Variants in SLC9B1 observed in about 807,000 individuals in gnomAD.
The protein encoded by SLC9B1 is sodium/hydrogen exchanger 9B1.
SLC9B1 carries 32 observed loss-of-function variants against 51.7 expected under a neutral mutation model. The observed-to-expected ratio is 0.62, with a 90% confidence interval of 0.47 to 0.83. The LOEUF is 0.83. SLC9B1 is among the 40% of genes least tolerant of loss of function. SLC9B1 has a pLI of 0.00. For synonymous variants in SLC9B1, 145 were observed against 212.7 expected, an observed-to-expected ratio of 0.68 and a Z score of 2.77; for missense variants, 406 against 613.2, an observed-to-expected ratio of 0.66 and a Z score of 3.57.
At position 102,949,454 on chromosome 4, in the gene SLC9B1, T is replaced by C. The variant is rs1737434806; in HGVS notation, c.212-27A>G. On this transcript the variant is annotated intron_variant, in intron 3 of 11. Transcript: ENST00000296422. ...TGAAATACAAAAAAGTGTACAGCTA[T>C]ATATCTACATACACATAGATGTATA... is the stretch of plus-strand genomic sequence containing the variant. The C allele has an allele frequency of 2.0e-6, 3 of 1,526,458 alleles. No homozygotes were observed. In the East Asian group the frequency reaches 6.9e-5, roughly 35 times the overall value. The allele number at this position is 1,526,458 out of a possible 1,614,324, so 94.6% of individuals were successfully genotyped here.
chr4:102,992,707 T>C (rs539635784), intron 1 of SLC9B1, among the ~76,000 whole-genome samples: 1 of 152,312 alleles, frequency 6.6e-6, no homozygotes, highest in Non-Finnish European at 1.5e-5. Context: ...TAAAGTGTAG[T>C]TCCATTTTGA....
At chr4:102,985,198 C>T (rs1025748614) in intron 3 of SLC9B1, among the ~76,000 whole-genome samples, 2 of 152,136 alleles carry the variant, frequency 1.3e-5, no homozygotes, top group African/African-American at 2.4e-5. Flanking sequence ...TTTCCTTAAT[C>T]AATATGTATC....
At chr4:102,992,395 C>A (rs1560523662) in intron 1 of SLC9B1, among the ~76,000 whole-genome samples, 1 of 151,974 alleles carries the variant, frequency 6.6e-6, no homozygotes, top group Non-Finnish European at 1.5e-5. Flanking sequence ...TTGTTAAGAA[C>A]AAAACTAAAG....
intron 6 of SLC9B1, among the ~76,000 whole-genome samples, chr4:102,944,946 T>TG (rs1387676021): frequency 2.0e-5 from 3 of 151,500 alleles, no homozygotes; most frequent in Non-Finnish European, 4.4e-5. Context: ...ATAATACAGA[T>TG]GAAAAGGAAT....
At chr4:102,924,328 T>C (rs1275629420) in intron 7 of SLC9B1, among the ~76,000 whole-genome samples, 2 of 152,322 alleles carry the variant, frequency 1.3e-5, no homozygotes, top group South Asian at 2.1e-4. Flanking sequence ...ATTTAATAAA[T>C]GGTGCTGGGA....
chr4:102,885,272 C>T, exon 12 of SLC9B1: 1 of 1,614,120 alleles, frequency 6.2e-7, no homozygotes, highest in Non-Finnish European at 8.5e-7. Context: ...TCTTGGCTAC[C>T]TTGCAGTTCG....
chr4:102,965,673 T>C (rs1446003095), intron 3 of SLC9B1, among the ~76,000 whole-genome samples: 1 of 152,002 alleles, frequency 6.6e-6, no homozygotes, highest in Non-Finnish European at 1.5e-5. Context: ...TTATTCAATC[T>C]CAATGGTCCC....
intron 3 of SLC9B1, among the ~76,000 whole-genome samples, chr4:102,966,151 G>A (rs1189167551): frequency 6.6e-6 from 1 of 152,146 alleles, no homozygotes; most frequent in Non-Finnish European, 1.5e-5. Flanking sequence ...TCCCAGTGGT[G>A]GTCCACTTCA....
At chr4:102,923,057 A>T (rs1228873693) in intron 7 of SLC9B1, among the ~76,000 whole-genome samples, 1 of 152,222 alleles carries the variant, frequency 6.6e-6, no homozygotes, top group African/African-American at 2.4e-5. Flanking sequence ...AATTCATTTT[A>T]TGAGGCCAAC....
At chr4:102,906,719 C>CTT in intron 9 of SLC9B1, 75 bp from the exon 10 acceptor site, 3 of 878,770 alleles carry the variant, frequency 3.4e-6, no homozygotes, top group Non-Finnish European at 5.1e-6. Flanking sequence ...TCTTCCCCCC[C>CTT]CTTTTTTTTT....
chr4:102,967,906 A>G (rs1738516634), intron 3 of SLC9B1, among the ~76,000 whole-genome samples: 1 of 152,242 alleles, frequency 6.6e-6, no homozygotes, highest in Admixed American at 6.5e-5. Flanking sequence ...TTAATGGATT[A>G]GATGACTCAA....
chr4:102,927,001 AG>A (rs1369226751), intron 7 of SLC9B1, among the ~76,000 whole-genome samples: 1 of 152,244 alleles, frequency 6.6e-6, no homozygotes, highest in Non-Finnish European at 1.5e-5. Context: ...AAATGGGGAA[AG>A]GATTGCCTAT....
chr4:102,937,723 C>CAA lies in SLC9B1; in HGVS notation c.654-5426_654-5425dup, dbSNP rs35545999. 7.8e-3 allele frequency among the ~76,000 whole-genome samples: 442 copies of CAA among 56,588 alleles called. 3 individuals are homozygous for CAA. The highest frequency in any genetic ancestry group is 0.014 in the African/African-American group (231 of 16,874). The allele number at this position is 56,588 out of a possible 152,430, so 37.1% of individuals were successfully genotyped here. On this transcript the variant is annotated intron_variant, in intron 6 of 11. Coordinates refer to ENST00000296422, the MANE Select transcript of SLC9B1 (RefSeq NM_139173.4). The stretch of plus-strand genomic sequence containing the variant: ...TGGCGACAGAGCAACACTCTGTCGC[C>CAA]AAAAAAAAAAAAAAAAAAAAAATTC...
At chr4:102,936,106 C>G (rs910860881) in intron 6 of SLC9B1, among the ~76,000 whole-genome samples, 1 of 152,180 alleles carries the variant, frequency 6.6e-6, no homozygotes, top group Non-Finnish European at 1.5e-5. Context: ...GGGTATGGTA[C>G]CAGCCCTGCA....
intron 3 of SLC9B1, among the ~76,000 whole-genome samples, chr4:102,981,005 C>A (rs1665232107): frequency 6.6e-6 from 1 of 152,132 alleles, no homozygotes; most frequent in East Asian, 1.9e-4. Context: ...CTGCTCATCC[C>A]TCCCTCCTCT....
In SLC9B1 at chr4:102,991,695, G is replaced by T. The variant is rs1190774958; in HGVS notation, c.17C>A (p.Ser6Ter). The part of the protein sequence containing the change: MHTTE[S>*]KNEHLEDENF... ...TTCATCCTCCAAATGTTCATTTTTT[G>T]ATTCTGTGGTATGCATGCTAAGATT... The change falls in exon 2 of 12, where the codon TCA becomes TAA. Residue 6 changes from serine to a stop codon, truncating the protein, a stop_gained. Transcript: ENST00000296422. LOFTEE classifies it high-confidence loss of function. 6.3e-7 allele frequency: 1 copy of T among 1,584,390 alleles called. No individual in the cohort carries two copies. The highest frequency in any genetic ancestry group is 8.6e-7 in the Non-Finnish European group (1 of 1,163,384).
intron 11 of SLC9B1, chr4:102,891,186 T>C (rs1163888652): frequency 6.8e-6 from 1 of 147,402 alleles, no homozygotes; most frequent in Non-Finnish European, 1.5e-5. Flanking sequence ...ATTGAAAAAG[T>C]CTTCTTTTTA....
chr4:103,015,905 T>G (rs1578422985), intron 1 of SLC9B1, among the ~76,000 whole-genome samples: 1 of 151,690 alleles, frequency 6.6e-6, no homozygotes, highest in African/African-American at 2.4e-5. Flanking sequence ...CCGAGGCAGG[T>G]GAATCACCTG....
intron 1 of SLC9B1, among the ~76,000 whole-genome samples, chr4:103,017,252 T>C (rs1741418083): frequency 6.6e-6 from 1 of 152,174 alleles, no homozygotes. Context: ...TCATTCCTCT[T>C]TGGATTTCTG....
Sources: gnomAD v4.1 joint callset for allele counts (sites outside exome capture counted in the v4.1 genomes callset) on GRCh38, gnomAD v4.1.1 for gene constraint, MANE v1.5 for transcripts, NCBI Gene and HGNC (gene_info 2026-07-23, HGNC 2026-07-21) for gene names.